The following EXT1 variants were observed in gnomAD, a reference collection of about 807,000 sequenced individuals.
EXT1 encodes the protein exostosin glycosyltransferase 1, also known as exostosin-1.
In EXT1, 20 loss-of-function variants were observed where a neutral mutation model predicts 82.5. The observed-to-expected ratio is 0.24, with a 90% confidence interval of 0.17 to 0.35. The LOEUF (loss-of-function observed/expected upper bound fraction) is 0.35, where lower values mean the gene tolerates loss of function less well. Ranked by LOEUF, EXT1 falls within the 10% of genes least tolerant of loss-of-function variation. The pLI is 1.00. For missense variants in EXT1, 757 were observed against 936.5 expected (o/e 0.81, Z 2.50); for synonymous variants, 348 against 350.8 (o/e 0.99, Z 0.09).
intron 3 of EXT1, 141 bp from the exon 4 acceptor site, chr8:117,830,490 C>A (rs573571377): frequency 1.1e-6 from 1 of 910,194 alleles, no homozygotes; most frequent in Admixed American, 2.7e-5. Flanking sequence ...ATCATCAATT[C>A]CTAAGTTGAA....
intron 8 of EXT1, among the ~76,000 whole-genome samples, chr8:117,809,922 G>A (rs1035676851): frequency 2.0e-5 from 3 of 152,176 alleles, no homozygotes; most frequent in Non-Finnish European, 4.4e-5. Flanking sequence ...GGAAACACAT[G>A]CACTAGCAAC....
chr8:117,870,734 T>C (rs1812853971), intron 1 of EXT1, among the ~76,000 whole-genome samples: 1 of 151,908 alleles, frequency 6.6e-6, no homozygotes, highest in Admixed American at 6.6e-5. Context: ...ATAAAGGGAT[T>C]GGGAGCCTGT....
rs773877597 is a variant in EXT1, at chr8:117,819,731, G to A, written c.1481C>T (p.Ser494Phe). 5 of 1,613,184 alleles carry A rather than the reference G, an allele frequency of 3.1e-6. No homozygotes were observed. In the African/African-American group the frequency reaches 5.3e-5, roughly 17 times the overall value. The change falls in exon 6 of 11, where the codon TCC (serine) becomes TTC (phenylalanine). Residue 494 changes from serine (S) to phenylalanine (F), a missense_variant. Around this residue, in one of 4 missense-constraint regions of EXT1, gnomAD observed 207 missense variants for 224.2 expected, o/e 0.92. Transcript: ENST00000378204. ...CACGAGAAGCTTCAACACTGGCTGG[G>A]ACTGAGAGACCAGGGGGGTCACCGC... ...IHAVTPLVSQ[S>F]QPVLKLLVAA...
intron 1 of EXT1, among the ~76,000 whole-genome samples, chr8:117,993,390 AGCCTG>A (rs2129793172): frequency 6.6e-6 from 1 of 152,362 alleles, no homozygotes. Flanking sequence ...CAGCCAGGCC[AGCCTG>A]GATATTTATG....
intron 1 of EXT1, among the ~76,000 whole-genome samples, chr8:117,894,393 G>GT (rs1467419595): frequency 6.6e-6 from 1 of 152,116 alleles, no homozygotes; most frequent in Non-Finnish European, 1.5e-5. Context: ...TTGGTGTTGT[G>GT]TATGAGGCTG....
chr8:117,950,897 T>C (rs1307206772), intron 1 of EXT1, among the ~76,000 whole-genome samples: 1 of 152,188 alleles, frequency 6.6e-6, no homozygotes, highest in Non-Finnish European at 1.5e-5. Context: ...TTGTACTCCA[T>C]GAAGAAACAA....
chr8:118,086,563 G>A (rs955657477), intron 1 of EXT1, among the ~76,000 whole-genome samples: 16 of 152,064 alleles, frequency 1.1e-4, no homozygotes, highest in East Asian at 1.9e-4. Context: ...TCTTGAATTG[G>A]AATATTCAGC....
chr8:118,082,772 G>GT (rs1817354544), intron 1 of EXT1, among the ~76,000 whole-genome samples: 1 of 152,130 alleles, frequency 6.6e-6, no homozygotes, highest in South Asian at 2.1e-4. Context: ...ATTTCAAATG[G>GT]TTTTCTCACA....
At position 117,806,542 on chromosome 8, in the gene EXT1, AC is replaced by A. The variant is rs1206949600; in HGVS notation, c.1883+674del. ...TTTCTGACTTCCTGTCACCCATTCCACCCAGTCACAGTGGTCTCCTCGATGG... is the reference window on the plus strand; with the variant it reads ...TTTCTGACTTCCTGTCACCCATTCCACCAGTCACAGTGGTCTCCTCGATGG... On this transcript the variant is annotated intron_variant, in intron 9 of 10. Transcript: ENST00000378204. Among the ~76,000 whole-genome samples, 5 of 151,706 alleles carry A rather than the reference AC, an allele frequency of 3.3e-5. 1 individual carries two copies. The highest frequency in any genetic ancestry group is 6.6e-5 in the Admixed American group (1 of 15,230).
At chr8:118,044,457 G>A (rs1816586902) in intron 1 of EXT1, among the ~76,000 whole-genome samples, 1 of 151,930 alleles carries the variant, frequency 6.6e-6, no homozygotes, top group African/African-American at 2.4e-5. Flanking sequence ...GCCCAGGCTG[G>A]AGTGCAATGG....
intron 1 of EXT1, among the ~76,000 whole-genome samples, chr8:118,107,235 T>G (rs936096002): frequency 1.3e-5 from 2 of 152,254 alleles, no homozygotes; most frequent in Admixed American, 6.5e-5. Context: ...TAAAGTTTGC[T>G]CCAAAGGAAA....
intron 1 of EXT1, among the ~76,000 whole-genome samples, chr8:118,001,219 C>T (rs991185594): frequency 4.6e-5 from 7 of 152,174 alleles, no homozygotes; most frequent in African/African-American, 1.7e-4. Flanking sequence ...GACGGTCTCG[C>T]TCTGTCGCTC....
chr8:117,831,530 T>C (rs1203825712), intron 3 of EXT1: 3 of 469,546 alleles, frequency 6.4e-6, no homozygotes, highest in Admixed American at 2.4e-5. Context: ...TCAAGGTCTA[T>C]TTCATTTACG....
In EXT1 at chr8:117,945,923, T is replaced by C. The variant is rs548249283; in HGVS notation, c.963-108722A>G. Among the ~76,000 whole-genome samples, 12 of 152,114 alleles carry C rather than the reference T, an allele frequency of 7.9e-5. No homozygotes were observed. In the East Asian group the frequency reaches 1.7e-3, roughly 22 times the overall value. Reference sequence around the variant, plus strand: ...TGTTTTTGTTTTGTTTTGTTTGAGATGCGAGTTTTGCTCCTTTTGCCCAGG... The same window carrying C: ...TGTTTTTGTTTTGTTTTGTTTGAGACGCGAGTTTTGCTCCTTTTGCCCAGG... On this transcript the variant is annotated intron_variant, in intron 1 of 10. Coordinates refer to ENST00000378204, the MANE Select transcript of EXT1 (RefSeq NM_000127.3).
At chr8:117,955,696 C>G (rs1263639643) in intron 1 of EXT1, among the ~76,000 whole-genome samples, 1 of 152,138 alleles carries the variant, frequency 6.6e-6, no homozygotes, top group Non-Finnish European at 1.5e-5. Flanking sequence ...GCTGGGACTA[C>G]GGGCAGGAGC....
At chr8:118,090,372 A>G (rs1196772607) in intron 1 of EXT1, among the ~76,000 whole-genome samples, 1 of 152,048 alleles carries the variant, frequency 6.6e-6, no homozygotes, top group Non-Finnish European at 1.5e-5. Flanking sequence ...GTGAGCCATG[A>G]CAGTGCCACT....
intron 7 of EXT1, among the ~76,000 whole-genome samples, chr8:117,815,884 C>G (rs1811803219): frequency 6.7e-6 from 1 of 149,658 alleles, no homozygotes; most frequent in Non-Finnish European, 1.5e-5. Context: ...GAGCCGATAT[C>G]ATGCCATTGC....
chr8:117,951,315 G>C (rs958096031), intron 1 of EXT1, among the ~76,000 whole-genome samples: 1 of 152,214 alleles, frequency 6.6e-6, no homozygotes, highest in African/African-American at 2.4e-5. Flanking sequence ...TACAAAGCCT[G>C]TTTATGAAAG....
intron 1 of EXT1, among the ~76,000 whole-genome samples, chr8:117,846,642 G>C (rs576056769): frequency 6.6e-6 from 1 of 152,308 alleles, no homozygotes; most frequent in East Asian, 1.9e-4. Flanking sequence ...GTCCAGAAGA[G>C]TCACACACAG....
Sources: gnomAD v4.1 joint callset for allele counts (sites outside exome capture counted in the v4.1 genomes callset) on GRCh38, gnomAD v4.1.1 for gene constraint, gnomAD v4.1.1 regional missense constraint, MANE v1.5 for transcripts, NCBI Gene and HGNC (gene_info 2026-07-23, HGNC 2026-07-21) for gene names.